Variants in TLCD2 observed in about 807,000 individuals in gnomAD.
TLCD2 encodes the protein TLC domain-containing protein 2.
A neutral mutation model predicts 14.0 loss-of-function variants in TLCD2; 12 were observed. That is an observed-to-expected ratio of 0.86 (90% CI 0.55 to 1.39). The LOEUF (loss-of-function observed/expected upper bound fraction) is 1.39. TLCD2 is among the 40% of genes most tolerant of loss of function. The pLI is 0.00. For synonymous variants in TLCD2, 166 were observed against 156.5 expected, an observed-to-expected ratio of 1.06 and a Z score of -0.45; for missense variants, 360 against 346.8, an observed-to-expected ratio of 1.04 and a Z score of -0.30.
intron 3 of TLCD2, among the ~76,000 whole-genome samples, 174 bp downstream of exon 3, chr17:1,709,325 G>A (rs1481652928): frequency 6.9e-6 from 1 of 145,662 alleles, no homozygotes; most frequent in Non-Finnish European, 1.5e-5. Flanking sequence ...AGGAGGCGAA[G>A]GTTGCAGTGA....
In TLCD2 at chr17:1,710,144, A is replaced by G. The variant is rs1207912628; in HGVS notation, c.99T>C (p.Ala33=). The change falls in exon 1 of 4, where the codon GCT becomes GCC. Residue 33 remains alanine, a synonymous_variant. Transcript: ENST00000330676. This position sits in a 1 kb window ranked among gnomAD's most constrained non-coding sequence, Gnocchi z 6.1. ...LRRLPTPESA[A]RDRWQWWNLC... ...GGTTCCACCACTGCCAGCGGTCCCG[A>G]GCGGCCGATTCCGGCGTGGGCAGCC... The G allele has an allele frequency of 6.5e-7, 1 of 1,533,142 alleles. No homozygotes were observed. The highest frequency in any genetic ancestry group is 2.4e-5 in the East Asian group (1 of 40,842). 95.0% of individuals were successfully genotyped at this position (1,533,142 alleles called of 1,614,324 possible). A position where few individuals can be genotyped will look rare whatever the true frequency, so the allele number is the denominator to read the frequency against.
Position 1,707,770 on chromosome 17 carries a change from C to T in TLCD2, c.795G>A (p.Ter265=), listed in dbSNP as rs747601181. The T allele has an allele frequency of 6.7e-7, 1 of 1,486,392 alleles. No individual in the cohort carries two copies. The highest frequency in any genetic ancestry group is 8.9e-7 in the Non-Finnish European group (1 of 1,119,644). 92.1% of individuals were successfully genotyped at this position (1,486,392 alleles called of 1,614,324 possible). ...CCAGCGAGGGGCCCATGGCTTCTCT[C>T]TAGTCTTTCAGGCTGAGAGTCGAAC... ...SNSSTLSLKD[*] Residue 265 remains the stop codon, a stop_retained_variant, in exon 4 of 4, where the codon TAG becomes TAA. Transcript: ENST00000330676.
rs1367651308 is a variant in TLCD2, at chr17:1,703,890, G to A, written c.*3880C>T. On this transcript the variant is annotated 3_prime_UTR_variant, in exon 4 of 4. Transcript: ENST00000330676. ...TTAATCAAGGCATTCAGTTAAGATG[G>A]CAAATTGAGTTTTGCAGATATGACT... 2.0e-5 allele frequency: 3 copies of A among 151,528 alleles called. No homozygotes were observed. In the Admixed American group the frequency reaches 2.0e-4, roughly 10 times the overall value. The allele number at this position is 151,528 out of a possible 1,614,324, so 9.4% of individuals were successfully genotyped here.
rs758166637 is a variant in TLCD2 at position 1,709,519 on chromosome 17, G to A, written c.322C>T (p.Leu108Phe). The change falls in exon 3 of 4, where the codon CTT (leucine) becomes TTT (phenylalanine). Residue 108 changes from leucine to phenylalanine, a missense_variant. Coordinates refer to ENST00000330676, the MANE Select transcript of TLCD2 (RefSeq NM_001164407.2). ...CTCACCACCAAATGATGACAGAGAA[G>A]ATCCCAGGTCTTGCCCAAGGTCTGG... ...WNQTLGKTWD[L>F]LCHHLVVVSC... 12 of 1,535,292 alleles carry A rather than the reference G, an allele frequency of 7.8e-6. No individual in the cohort carries two copies. The African/African-American group carries it at 1.7e-4, about 21-fold the overall frequency.
Position 1,705,734 on chromosome 17 carries a change from T to C in TLCD2, c.*2036A>G, listed in dbSNP as rs1398497232. 6.6e-6 allele frequency: 1 copy of C among 152,258 alleles called. No homozygotes were observed. Among genetic ancestry groups the C allele is most frequent in the African/African-American group, 2.4e-5 (1 of 41,428 alleles). The allele number at this position is 152,258 out of a possible 1,614,324, so 9.4% of individuals were successfully genotyped here. A position where few individuals can be genotyped will look rare whatever the true frequency, so the allele number is the denominator to read the frequency against. ...GCAAGGTTTTTGTTTTGTTTTGTTTTTTTTTGAAGACAATCTTCCTGTCTC... is the reference window on the plus strand; with the variant it reads ...GCAAGGTTTTTGTTTTGTTTTGTTTCTTTTTGAAGACAATCTTCCTGTCTC... On this transcript the variant is annotated 3_prime_UTR_variant, in exon 4 of 4. Coordinates refer to ENST00000330676, the MANE Select transcript of TLCD2 (RefSeq NM_001164407.2).
chr17:1,706,035 CACG>C lies in TLCD2; in HGVS notation c.*1732_*1734del, dbSNP rs1914021912. 6.6e-6 allele frequency: 1 copy of C among 151,488 alleles called. No individual in the cohort carries two copies. The highest frequency in any genetic ancestry group is 6.6e-5 in the Admixed American group (1 of 15,188). The allele number at this position is 151,488 out of a possible 1,614,324, so 9.4% of individuals were successfully genotyped here. A position where few individuals can be genotyped will look rare whatever the true frequency, so the allele number is the denominator to read the frequency against. ...GTTTGCCCAGGCTGGAGTGCAGTGG[CACG>C]ACCTCGGCTCACTGCAACCTCTGCC... On this transcript the variant is annotated 3_prime_UTR_variant, in exon 4 of 4. Transcript: ENST00000330676.
In TLCD2 at chr17:1,705,210, C is replaced by T. The variant is rs755773103; in HGVS notation, c.*2560G>A. On this transcript the variant is annotated 3_prime_UTR_variant, in exon 4 of 4. Transcript: ENST00000330676. ...TGTCCTTTGTCTTTCTGCCTGCCTC[C>T]AAGTCCCCATATCTCCTGGTCTCTT... 2 of 152,472 alleles carry T rather than the reference C, an allele frequency of 1.3e-5. No homozygotes were observed. The highest frequency in any genetic ancestry group is 2.9e-5 in the Non-Finnish European group (2 of 68,170). 9.4% of individuals were successfully genotyped at this position (152,472 alleles called of 1,614,324 possible).
At position 1,710,321 on chromosome 17, in the gene TLCD2, G is replaced by A; in HGVS notation, c.-79C>T. ...CGCTCTCGGCCGGGACTGGGAACCC[G>A]TTTCCCGGCAGGGCTGGGGCCCCGG... On this transcript the variant is annotated 5_prime_UTR_variant, in exon 1 of 4. In the 5' UTR this introduces an upstream ATG that the reference lacks. Coordinates refer to ENST00000330676, the MANE Select transcript of TLCD2 (RefSeq NM_001164407.2). The surrounding 1 kb of genome is among the most constrained non-coding windows in gnomAD (Gnocchi z 6.1). The A allele has an allele frequency of 5.3e-6, 7 of 1,326,854 alleles. No homozygotes were observed. Among genetic ancestry groups the A allele is most frequent in the South Asian group, 3.3e-5 (2 of 61,466 alleles). The allele number at this position is 1,326,854 out of a possible 1,614,324, so 82.2% of individuals were successfully genotyped here. A position where few individuals can be genotyped will look rare whatever the true frequency, so the allele number is the denominator to read the frequency against.
Position 1,707,736 on chromosome 17 carries a change from C to G in TLCD2, c.*34G>C. 2 of 1,455,574 alleles carry G rather than the reference C, an allele frequency of 1.4e-6. No individual in the cohort carries two copies. The highest frequency in any genetic ancestry group is 2.8e-5 in the South Asian group (2 of 71,568). 90.2% of individuals were successfully genotyped at this position (1,455,574 alleles called of 1,614,324 possible). A position where few individuals can be genotyped will look rare whatever the true frequency, so the allele number is the denominator to read the frequency against. ...AGACCCTCATCTCCTTGTCCTGGCCCCACCTCCCCCAGCGAGGGGCCCATG... is the reference window on the plus strand; with the variant it reads ...AGACCCTCATCTCCTTGTCCTGGCCGCACCTCCCCCAGCGAGGGGCCCATG... On this transcript the variant is annotated 3_prime_UTR_variant, in exon 4 of 4. Transcript: ENST00000330676.
Position 1,703,122 on chromosome 17 carries a change from T to C in TLCD2, c.*4648A>G, listed in dbSNP as rs1913927119. 6.6e-6 allele frequency: 1 copy of C among 152,200 alleles called. No individual in the cohort carries two copies. The highest frequency in any genetic ancestry group is 1.5e-5 in the Non-Finnish European group (1 of 68,040). 9.4% of individuals were successfully genotyped at this position (152,200 alleles called of 1,614,324 possible). On this transcript the variant is annotated 3_prime_UTR_variant, in exon 4 of 4. Coordinates refer to ENST00000330676, the MANE Select transcript of TLCD2 (RefSeq NM_001164407.2). Reference sequence around the variant, plus strand: ...TTAGGGTCTTAATTGACCATTCTTCTTTGATTCACATCATCTTTATGTTGC... The same window carrying C: ...TTAGGGTCTTAATTGACCATTCTTCCTTGATTCACATCATCTTTATGTTGC...
Position 1,707,933 on chromosome 17 carries a change from C to A in TLCD2, c.632G>T (p.Gly211Val). 3 of 1,537,254 alleles carry A rather than the reference C, an allele frequency of 2.0e-6. No individual in the cohort carries two copies. The highest frequency in any genetic ancestry group is 2.6e-6 in the Non-Finnish European group (3 of 1,146,916). The change falls in exon 4 of 4, where the codon GGC becomes GTC. Residue 211 changes from glycine (G) to valine (V), a missense_variant. Physicochemically the swap from Gly to Val is moderately radical, Grantham distance 109 (BLOSUM62 -3). Coordinates refer to ENST00000330676, the MANE Select transcript of TLCD2 (RefSeq NM_001164407.2). ...GATCCCCAATATGATGCTCATGATG[C>A]CCACAGTGACCAGCCCAATTCCACC... ...TLGGIGLVTVGIMSIILGIRI... is the reference protein window; with the variant it reads ...TLGGIGLVTVVIMSIILGIRI...
chr17:1,709,060 T>G (rs564357696), intron 3 of TLCD2, among the ~76,000 whole-genome samples: 7 of 152,010 alleles, frequency 4.6e-5, no homozygotes, highest in Non-Finnish European at 8.8e-5. Flanking sequence ...AAGCACCAGC[T>G]GGGGGCAGAG....
At chr17:1,708,299 A>AAG in intron 3 of TLCD2, 77 bp from the exon 4 acceptor site, 1 of 1,169,104 alleles carries the variant, frequency 8.6e-7, no homozygotes. Flanking sequence ...GGCCTGAAGA[A>AAG]AGAGGCTTCC....
chr17:1,708,315 G>T, intron 3 of TLCD2, 93 bp from the exon 4 acceptor site: 1 of 992,984 alleles, frequency 1.0e-6, no homozygotes, highest in Non-Finnish European at 1.4e-6. Context: ...CTTCCACGCA[G>T]TCTGTGGGGC....
At chr17:1,708,630 G>A (rs1006091867) in intron 3 of TLCD2, among the ~76,000 whole-genome samples, 2 of 151,926 alleles carry the variant, frequency 1.3e-5, no homozygotes, top group Non-Finnish European at 2.9e-5. Context: ...GGGACTACCG[G>A]TGCGCGCCAC....
At position 1,706,808 on chromosome 17, in the gene TLCD2, A is replaced by G. The variant is rs1246484917; in HGVS notation, c.*962T>C. The stretch of plus-strand genomic sequence containing the variant: ...AAAAAAAAAAGAAAAGAAAAAAGAA[A>G]AGTCAAAAGATACTAAAAATAAAAA... On this transcript the variant is annotated 3_prime_UTR_variant, in exon 4 of 4. Transcript: ENST00000330676. The G allele has an allele frequency of 2.6e-5, 4 of 151,746 alleles. No individual in the cohort carries two copies. The highest frequency in any genetic ancestry group is 9.7e-5 in the African/African-American group (4 of 41,256). 9.4% of individuals were successfully genotyped at this position (151,746 alleles called of 1,614,324 possible).
chr17:1,707,890 A>G lies in TLCD2; in HGVS notation c.675T>C (p.Asp225=). 6.5e-7 allele frequency: 1 copy of G among 1,537,268 alleles called. No individual in the cohort carries two copies. Among genetic ancestry groups the G allele is most frequent in the Non-Finnish European group, 8.7e-7 (1 of 1,146,922 alleles). ...IILGIRILVN[D]VLQSRPHPPS... ...GTGGATGGGGTCGAGACTGTAGGAC[A>G]TCATTGACCAGAATACGGATCCCCA... Residue 225 remains aspartate (D), a synonymous_variant, in exon 4 of 4, where the codon GAT becomes GAC. Coordinates refer to ENST00000330676, the MANE Select transcript of TLCD2 (RefSeq NM_001164407.2).
rs1313214779 is a variant in TLCD2 at position 1,707,937 on chromosome 17, C to T, written c.628G>A (p.Val210Met). The change falls in exon 4 of 4, where the codon GTG becomes ATG. Residue 210 changes from valine to methionine, a missense_variant. Physicochemically the swap from Val to Met is conservative, Grantham distance 21 (BLOSUM62 1). Coordinates refer to ENST00000330676, the MANE Select transcript of TLCD2 (RefSeq NM_001164407.2). ...CCCAATATGATGCTCATGATGCCCACAGTGACCAGCCCAATTCCACCCAGG... is the reference window on the plus strand; with the variant it reads ...CCCAATATGATGCTCATGATGCCCATAGTGACCAGCCCAATTCCACCCAGG... ...VTLGGIGLVT[V>M]GIMSIILGIR... is the part of the protein sequence containing the mutation. The T allele has an allele frequency of 2.0e-6, 3 of 1,537,292 alleles. No individual in the cohort carries two copies. Among genetic ancestry groups the T allele is most frequent in the Non-Finnish European group, 1.7e-6 (2 of 1,146,924 alleles).
Position 1,708,008 on chromosome 17 carries a change from A to G in TLCD2, c.557T>C (p.Leu186Pro), listed in dbSNP as rs1295981572. The G allele has an allele frequency of 5.8e-5, 89 of 1,537,190 alleles. No homozygotes were observed. The Admixed American group carries it at 1.7e-3, about 29-fold the overall frequency. ...FRLVPLGWMS[L>P]WLFRQHHQVP... ...CTGGTGGTGCTGCCGGAACAGCCAC[A>G]GACTCATCCACCCCAGCGGGACCAG... is the stretch of plus-strand genomic sequence containing the variant. Residue 186 changes from leucine (L) to proline (P), a missense_variant, in exon 4 of 4, where the codon CTG (leucine) becomes CCG (proline). Physicochemically the swap from Leu to Pro is moderately conservative, Grantham distance 98 (BLOSUM62 -3). Coordinates refer to ENST00000330676, the MANE Select transcript of TLCD2 (RefSeq NM_001164407.2).
Sources: gnomAD v4.1 joint callset for allele counts (sites outside exome capture counted in the v4.1 genomes callset) on GRCh38, gnomAD v4.1.1 for gene constraint, Gnocchi (gnomAD v3.1) non-coding constraint, MANE v1.5 for transcripts, NCBI Gene and HGNC (gene_info 2026-07-23, HGNC 2026-07-21) for gene names.